Variants in AFF2 observed in about 807,000 individuals in gnomAD.
AFF2 encodes ALF transcription elongation factor 2.
A neutral mutation model predicts 76.9 loss-of-function variants in AFF2; 14 were observed. The observed-to-expected ratio is 0.18, with a 90% CI of 0.12 to 0.28. The LOEUF is 0.28. AFF2 is among the 10% of genes least tolerant of loss of function. The pLI is 1.00. For missense variants in AFF2, 868 were observed against 1,001.1 expected, an observed-to-expected ratio of 0.87 and a Z score of 1.79; for synonymous variants, 398 against 366.7, an observed-to-expected ratio of 1.09 and a Z score of -0.98.
intron 1 of AFF2, among the ~76,000 whole-genome samples, chrX:148,641,941 A>G (rs1259257005): frequency 8.9e-6 from 1 of 112,144 alleles, no homozygotes; most frequent in Non-Finnish European, 1.9e-5. Context: ...TTTCCAAATA[A>G]TGTCATATTC....
chrX:148,787,650 G>A (rs2069839106), intron 3 of AFF2, among the ~76,000 whole-genome samples: 1 of 111,529 alleles, frequency 9.0e-6, no homozygotes, highest in African/African-American at 3.3e-5. Context: ...ATTTCCTTTT[G>A]CCTGCTCGTC....
chrX:148,740,722 T>C (rs1162152173), intron 3 of AFF2, among the ~76,000 whole-genome samples: 1 of 112,062 alleles, frequency 8.9e-6, no homozygotes, highest in African/African-American at 3.3e-5. Flanking sequence ...TTGAAGATCC[T>C]TGTTTTGTCA....
intron 1 of AFF2, among the ~76,000 whole-genome samples, chrX:148,577,279 ATGTGTGTGTG>A (rs199980349): frequency 2.8e-5 from 3 of 109,049 alleles, no homozygotes; most frequent in Admixed American, 9.7e-5. Context: ...ATTACCTTGG[ATGTGTGTGTG>A]TGTGTGTGCG....
intron 1 of AFF2, among the ~76,000 whole-genome samples, chrX:148,558,574 G>A (rs935385659): frequency 2.7e-5 from 3 of 111,525 alleles, no homozygotes; most frequent in Admixed American, 9.5e-5. Context: ...TAGAGAGTAC[G>A]TATGCTCTCA....
At chrX:148,839,894 G>GGTGTGTGTGT (rs200060298) in intron 5 of AFF2, among the ~76,000 whole-genome samples, 83 of 86,991 alleles carry the variant, frequency 9.5e-4, no homozygotes, top group African/African-American at 2.6e-3. Flanking sequence ...GTTGGGGCAT[G>GGTGTGTGTGT]GTGTGTGTGT....
chrX:148,518,190 G>A (rs782456232), intron 1 of AFF2, among the ~76,000 whole-genome samples: 2 of 111,627 alleles, frequency 1.8e-5, no homozygotes, highest in African/African-American at 3.3e-5. Context: ...TCTATTAAAA[G>A]GACTTTATAT....
intron 9 of AFF2, among the ~76,000 whole-genome samples, chrX:148,917,020 G>A (rs1003396715): frequency 4.4e-5 from 5 of 112,597 alleles, no homozygotes; most frequent in African/African-American, 1.6e-4. Flanking sequence ...GAATAAGTAT[G>A]ATTTTGTGCT....
intron 3 of AFF2, among the ~76,000 whole-genome samples, chrX:148,757,229 C>A (rs1557266954): frequency 8.9e-6 from 1 of 111,900 alleles, no homozygotes; most frequent in Non-Finnish European, 1.9e-5. Context: ...TACATATTGT[C>A]CATAGTTGCT....
At chrX:148,758,815 C>T (rs781983758) in intron 3 of AFF2, among the ~76,000 whole-genome samples, 1 of 111,888 alleles carries the variant, frequency 8.9e-6, no homozygotes, top group Middle Eastern at 4.6e-3. Context: ...AGGATAAAAT[C>T]CTAGAAGTGG....
At chrX:148,920,989 A>T (rs185825738) in intron 9 of AFF2, among the ~76,000 whole-genome samples, 225 of 111,444 alleles carry the variant, frequency 2.0e-3, no homozygotes, top group Non-Finnish European at 3.3e-3. Flanking sequence ...GAGCCGCTGC[A>T]GCAAACCCTG....
chrX:148,500,631 A>AGCCGCTGCCGCCGCC lies in AFF2; in HGVS notation c.-461_-447dup, dbSNP rs1443363137. 1.6e-5 allele frequency: 1 copy of AGCCGCTGCCGCCGCC among 62,510 alleles called. No homozygotes were observed. The highest frequency in any genetic ancestry group is 3.2e-5 in the Non-Finnish European group (1 of 31,486). The allele number at this position is 62,510 out of a possible 1,213,427, so 5.2% of individuals were successfully genotyped here. On this transcript the variant is annotated 5_prime_UTR_variant, in exon 1 of 21. Transcript: ENST00000370460. Reference sequence around the variant, plus strand: ...CCGCGGCCGCCGCCGCCGCCTGTGCAGCCGCTGCCGCCGCCGCCGCCGCCG... The same window carrying AGCCGCTGCCGCCGCC: ...CCGCGGCCGCCGCCGCCGCCTGTGCAGCCGCTGCCGCCGCCGCCGCTGCCGCCGCCGCCGCCGCCG...
At chrX:148,817,265 T>A (rs1359685301) in intron 4 of AFF2, among the ~76,000 whole-genome samples, 1 of 111,467 alleles carries the variant, frequency 9.0e-6, no homozygotes, top group Non-Finnish European at 1.9e-5. Flanking sequence ...GGGAAAACAC[T>A]AATACATAAA....
At chrX:148,521,201 T>C (rs2052593063) in intron 1 of AFF2, among the ~76,000 whole-genome samples, 1 of 111,537 alleles carries the variant, frequency 9.0e-6, no homozygotes, top group Non-Finnish European at 1.9e-5. Context: ...GTGTGGAGGC[T>C]CTGATAATGT....
chrX:148,775,195 A>C (rs1331821891), intron 3 of AFF2, among the ~76,000 whole-genome samples: 2 of 111,771 alleles, frequency 1.8e-5, no homozygotes, highest in African/African-American at 6.5e-5. Flanking sequence ...CTTTTTACCT[A>C]TAAGTTCTGT....
At chrX:148,501,585 A>G (rs2052352295) in intron 1 of AFF2, among the ~76,000 whole-genome samples, 1 of 113,109 alleles carries the variant, frequency 8.8e-6, no homozygotes. Context: ...AGGTGCGGCC[A>G]GCAGCCCTCT....
intron 3 of AFF2, among the ~76,000 whole-genome samples, chrX:148,805,882 G>A (rs968762416): frequency 1.8e-5 from 2 of 112,465 alleles, no homozygotes; most frequent in Non-Finnish European, 3.8e-5. Context: ...CAAGAGGGTC[G>A]TCTGGGGCCA....
intron 3 of AFF2, among the ~76,000 whole-genome samples, chrX:148,688,317 GCTT>G (rs1204358951): frequency 9.0e-6 from 1 of 111,512 alleles, no homozygotes; most frequent in Non-Finnish European, 1.9e-5. Flanking sequence ...GCCCTTGCCA[GCTT>G]CTTCTAACTT....
chrX:148,533,243 T>G (rs1557236121), intron 1 of AFF2, among the ~76,000 whole-genome samples: 1 of 112,215 alleles, frequency 8.9e-6, no homozygotes, highest in Non-Finnish European at 1.9e-5. Flanking sequence ...GTAATGGCTT[T>G]AAGGTTGAAA....
At chrX:148,532,559 A>G (rs1291915647) in intron 1 of AFF2, among the ~76,000 whole-genome samples, 2 of 112,699 alleles carry the variant, frequency 1.8e-5, no homozygotes, top group African/African-American at 6.4e-5. Flanking sequence ...TCTTTAAGAA[A>G]GTTATTTTAG....
Sources: gnomAD v4.1 joint callset for allele counts (sites outside exome capture counted in the v4.1 genomes callset) on GRCh38, gnomAD v4.1.1 for gene constraint, MANE v1.5 for transcripts, NCBI Gene and HGNC (gene_info 2026-07-23, HGNC 2026-07-21) for gene names.